Variants in DYNC2H1 observed in about 807,000 individuals in gnomAD.
The protein encoded by DYNC2H1 is dynein cytoplasmic 2 heavy chain 1.
Under a neutral mutation model 570.0 loss-of-function variants are expected in DYNC2H1, and 410 were observed. The ratio of observed to expected loss-of-function variants is 0.72; its 90% CI spans 0.66 to 0.78. DYNC2H1 has a LOEUF of 0.78. Among genes scored for constraint, DYNC2H1 ranks in the 30% least tolerant of loss-of-function variants. The pLI, the probability that DYNC2H1 is intolerant of heterozygous loss-of-function variation, is 0.00. For missense variants in DYNC2H1, 4,865 were observed against 5,046.4 expected, an observed-to-expected ratio of 0.96 and a Z score of 1.09; for synonymous variants, 1,688 against 1,677.6, an observed-to-expected ratio of 1.01 and a Z score of -0.15.
chr11:103,436,633 A>G (rs1216501378), intron 85 of DYNC2H1, among the ~76,000 whole-genome samples: 1 of 152,058 alleles, frequency 6.6e-6, no homozygotes, highest in African/African-American at 2.4e-5. Flanking sequence ...GATCTTCTCA[A>G]TGCAGCACTC....
chr11:103,250,004 C>G (rs1335836356), intron 65 of DYNC2H1, among the ~76,000 whole-genome samples: 1 of 152,056 alleles, frequency 6.6e-6, no homozygotes, highest in African/African-American at 2.4e-5. Context: ...GTCCTTTGTA[C>G]TGACATAATG....
rs974160256 is a variant in DYNC2H1 at position 103,331,842 on chromosome 11, A to T, written c.12039+7852A>T. The stretch of plus-strand genomic sequence containing the variant: ...TTTGGGAGGCTGAGGTGGGCAGATC[A>T]CGAGGTCAGGAGATGGAGACCATCC... On this transcript the variant is annotated intron_variant, in intron 82 of 88. Coordinates refer to ENST00000375735, the MANE Select transcript of DYNC2H1 (RefSeq NM_001377.3). Among the ~76,000 whole-genome samples the T allele has an allele frequency of 2.0e-5, 3 of 152,158 alleles. No homozygotes were observed. The East Asian group carries it at 5.8e-4, about 29-fold the overall frequency.
intron 20 of DYNC2H1, 22 bp from the exon 21 acceptor site, chr11:103,152,114 T>TTG (rs765297437): frequency 1.9e-5 from 23 of 1,209,744 alleles, no homozygotes; most frequent in Admixed American, 2.9e-5. Flanking sequence ...ATTCAATTTG[T>TTG]TTTTTTTTTT....
intron 85 of DYNC2H1, among the ~76,000 whole-genome samples, chr11:103,436,545 C>T (rs1437968122): frequency 9.8e-6 from 1 of 102,348 alleles, no homozygotes; most frequent in African/African-American, 4.6e-5. Flanking sequence ...CCACTGTCTT[C>T]CTCTGCTTGT....
chr11:103,416,329 C>T (rs1336734887), intron 84 of DYNC2H1, among the ~76,000 whole-genome samples: 1 of 152,028 alleles, frequency 6.6e-6, no homozygotes, highest in Non-Finnish European at 1.5e-5. Flanking sequence ...AAAGAAAAAA[C>T]TACTTTTAAG....
intron 36 of DYNC2H1, 75 bp from the exon 37 acceptor site, chr11:103,176,160 G>A (rs958452382): frequency 8.8e-7 from 1 of 1,139,548 alleles, no homozygotes; most frequent in African/African-American, 1.6e-5. Context: ...TGCATATCAA[G>A]GCTATAGAAT....
intron 50 of DYNC2H1, among the ~76,000 whole-genome samples, chr11:103,202,354 A>G (rs111732616): frequency 0.027 from 3,662 of 135,006 alleles, 64 homozygotes; most frequent in Non-Finnish European, 0.044. Context: ...AATAATCATT[A>G]TTTTAAGACA....
chr11:103,465,461 T>G lies in DYNC2H1; in HGVS notation c.12649-3128T>G, dbSNP rs75999290. ...AGTATCCCAAAGTGTGTTTTGTTTT[T>G]TTTTTTAATCTGTGGCACATGAGTT... On this transcript the variant is annotated intron_variant, in intron 87 of 88. Transcript: ENST00000375735. This position sits in a 1 kb window ranked among gnomAD's most constrained non-coding sequence, Gnocchi z 4.9. Among the ~76,000 whole-genome samples the G allele has an allele frequency of 0.035, 5,277 of 152,060 alleles. 274 individuals carry two copies. The highest frequency in any genetic ancestry group is 0.11 in the African/African-American group (4,684 of 41,444).
At chr11:103,130,816 A>G (rs892102696) in intron 13 of DYNC2H1, among the ~76,000 whole-genome samples, 7 of 152,196 alleles carry the variant, frequency 4.6e-5, no homozygotes, top group Non-Finnish European at 1.0e-4. Context: ...TTATTTTGTA[A>G]AATTGTGTTG....
At chr11:103,458,796 T>C (rs1944888383) in intron 87 of DYNC2H1, among the ~76,000 whole-genome samples, 1 of 152,072 alleles carries the variant, frequency 6.6e-6, no homozygotes, top group Non-Finnish European at 1.5e-5. Flanking sequence ...CTAGCCCCTC[T>C]TACACTATCA....
intron 84 of DYNC2H1, among the ~76,000 whole-genome samples, chr11:103,434,793 T>C (rs993298479): frequency 4.6e-5 from 7 of 152,168 alleles, no homozygotes; most frequent in African/African-American, 1.7e-4. Context: ...GGCTGAGAGC[T>C]GGGGGTCTCT....
chr11:103,183,214 GAC>G (rs1035151084), intron 40 of DYNC2H1, among the ~76,000 whole-genome samples: 1 of 151,866 alleles, frequency 6.6e-6, no homozygotes, highest in African/African-American at 2.4e-5. Context: ...CCTACATTGT[GAC>G]ACCTTTTCAG....
intron 83 of DYNC2H1, among the ~76,000 whole-genome samples, chr11:103,372,353 T>C (rs1284642052): frequency 2.0e-5 from 3 of 152,178 alleles, no homozygotes; most frequent in Admixed American, 2.0e-4. Flanking sequence ...TTCAGTATGA[T>C]GTTATCTGTG....
At chr11:103,260,010 A>C (rs1311893529) in intron 70 of DYNC2H1, 33 bp downstream of exon 70, 1 of 1,239,068 alleles carries the variant, frequency 8.1e-7, no homozygotes, top group Non-Finnish European at 1.1e-6. Flanking sequence ...AATATAAAAT[A>C]CTACTTGTTC....
At chr11:103,380,800 G>T (rs370172823) in intron 83 of DYNC2H1, among the ~76,000 whole-genome samples, 31 of 152,214 alleles carry the variant, frequency 2.0e-4, no homozygotes, top group African/African-American at 7.2e-4. Context: ...GAGCTCAGGC[G>T]ATCCACCTGC....
At chr11:103,380,010 T>A (rs1233239285) in intron 83 of DYNC2H1, among the ~76,000 whole-genome samples, 1 of 152,224 alleles carries the variant, frequency 6.6e-6, no homozygotes, top group Non-Finnish European at 1.5e-5. Flanking sequence ...TGAAAGAACT[T>A]AAGACCAAAT....
Position 103,114,218 on chromosome 11 carries a change from T to G in DYNC2H1, c.482T>G (p.Phe161Cys). The G allele has an allele frequency of 6.3e-7, 1 of 1,594,326 alleles. No individual in the cohort carries two copies. The highest frequency in any genetic ancestry group is 8.6e-7 in the Non-Finnish European group (1 of 1,169,448). Residue 161 changes from phenylalanine (F) to cysteine (C), a missense_variant, in exon 3 of 89, where the codon TTT becomes TGT. Around this residue, in one of 5 missense-constraint regions of DYNC2H1, gnomAD observed 1,936 missense variants for 1,962.1 expected, o/e 0.99. Coordinates refer to ENST00000375735, the MANE Select transcript of DYNC2H1 (RefSeq NM_001377.3). ...RSDTNLTKLK[F>C]KEDDTRGILT... ...GACACTAACTTAACAAAATTGAAAT[T>G]TAAGGAAGATGACACACGAGGTATA... is the stretch of plus-strand genomic sequence containing the variant.
chr11:103,323,277 A>G (rs1292809782), intron 81 of DYNC2H1, among the ~76,000 whole-genome samples: 5 of 152,210 alleles, frequency 3.3e-5, no homozygotes, highest in Non-Finnish European at 7.3e-5. Context: ...CAACAAGCCA[A>G]GCTTATTCAA....
chr11:103,328,081 AT>A (rs1037588063), intron 82 of DYNC2H1, among the ~76,000 whole-genome samples: 2 of 152,206 alleles, frequency 1.3e-5, no homozygotes, highest in African/African-American at 4.8e-5. Context: ...ATAGCAAAAA[AT>A]TATCCCAAAT....
Sources: allele counts gnomAD v4.1 joint callset (sites outside exome capture counted in the v4.1 genomes callset), GRCh38; gene constraint gnomAD v4.1.1; regional missense constraint gnomAD v4.1.1; non-coding constraint Gnocchi (gnomAD v3.1); transcripts MANE v1.5; gene names NCBI Gene and HGNC (gene_info 2026-07-23, HGNC 2026-07-21).